The following ALKBH6 variants were observed in gnomAD, a reference collection of about 807,000 sequenced individuals.
ALKBH6 encodes the protein alkB homolog 6, nucleotide demethylase.
In ALKBH6, 20 loss-of-function variants were observed where a neutral mutation model predicts 25.1. The ratio of observed to expected loss-of-function variants is 0.80; its 90% CI spans 0.56 to 1.16. The LOEUF (loss-of-function observed/expected upper bound fraction) is 1.16, where lower values mean the gene tolerates loss of function less well. ALKBH6 is among the 50% of genes most tolerant of loss of function. ALKBH6 has a pLI of 0.00. For missense variants in ALKBH6, 263 were observed against 326.5 expected (o/e 0.81, Z 1.50); for synonymous variants, 156 against 147.5 (o/e 1.06, Z -0.42).
chr19:36,013,160 C>G lies in ALKBH6; in HGVS notation c.55-71G>C. ...AGAGGACATATCATCACAGAGCAAC[C>G]CCTATGCCTGGAGACAGGCTCAGGA... On this transcript the variant is annotated intron_variant, in intron 2 of 6. Transcript: ENST00000378875. The surrounding 1 kb of genome is among the most constrained non-coding windows in gnomAD (Gnocchi z 4.6). 6.6e-7 allele frequency: 1 copy of G among 1,510,940 alleles called. No homozygotes were observed. Among genetic ancestry groups the G allele is most frequent in the African/African-American group, 1.4e-5 (1 of 72,744 alleles). 93.6% of individuals were successfully genotyped at this position (1,510,940 alleles called of 1,614,324 possible).
At position 36,010,863 on chromosome 19, in the gene ALKBH6, G is replaced by A. The variant is rs371359811; in HGVS notation, c.336+31C>T. Reference sequence around the variant, plus strand: ...CCCAGCACAGCTCAGAAGTCTGAGTGGGGGGACACGGGCCGAGGGTGTGTG... The same window carrying A: ...CCCAGCACAGCTCAGAAGTCTGAGTAGGGGGACACGGGCCGAGGGTGTGTG... On this transcript the variant is annotated intron_variant, in intron 5 of 6. Coordinates refer to ENST00000378875, the MANE Select transcript of ALKBH6 (RefSeq NM_032878.5). This position sits in a 1 kb window ranked among gnomAD's most constrained non-coding sequence, Gnocchi z 5.5. 20 of 1,612,200 alleles carry A rather than the reference G, an allele frequency of 1.2e-5. No individual in the cohort carries two copies. Among genetic ancestry groups the A allele is most frequent in the African/African-American group, 4.0e-5 (3 of 74,822 alleles).
chr19:36,013,526 C>A lies in ALKBH6; in HGVS notation c.-25-104G>T. 1 of 1,525,296 alleles carries A rather than the reference C, an allele frequency of 6.6e-7. No homozygotes were observed. Among genetic ancestry groups the A allele is most frequent in the South Asian group, 1.3e-5 (1 of 79,206 alleles). 94.5% of individuals were successfully genotyped at this position (1,525,296 alleles called of 1,614,324 possible). ...GGCCAGGCCTCACCTCAGCCCTCTT[C>A]TGAAACGCACTTGGTCTCTAAAATC... is the stretch of plus-strand genomic sequence containing the variant. On this transcript the variant is annotated intron_variant, in intron 1 of 6. Transcript: ENST00000378875. The surrounding 1 kb of genome is among the most constrained non-coding windows in gnomAD (Gnocchi z 4.6).
At chr19:36,009,677 C>T (rs1465004193) in intron 6 of ALKBH6, 124 bp from the exon 7 acceptor site, 2 of 667,816 alleles carry the variant, frequency 3.0e-6, no homozygotes, top group Non-Finnish European at 4.2e-6. Flanking sequence ...AGTGTGCTCA[C>T]AATGATGGAG....
At position 36,010,991 on chromosome 19, in the gene ALKBH6, T is replaced by G. The variant is rs1555786344; in HGVS notation, c.239A>C (p.Gln80Pro). The change falls in exon 5 of 7, where the codon CAG (glutamine) becomes CCG (proline). Residue 80 changes from glutamine to proline, a missense_variant. By Grantham distance (76) the Gln-to-Pro change is moderately conservative. Coordinates refer to ENST00000378875, the MANE Select transcript of ALKBH6 (RefSeq NM_032878.5). The surrounding 1 kb of genome is among the most constrained non-coding windows in gnomAD (Gnocchi z 5.5). ...GTTTGACACTTTGTCCACGTAGCGCTGGAGCCATGGGGGCAGCCGCTCAGG... is the reference window on the plus strand; with the variant it reads ...GTTTGACACTTTGTCCACGTAGCGCGGGAGCCATGGGGGCAGCCGCTCAGG... ...MVPERLPPWLQRYVDKVSNLS... is the reference protein window; with the variant it reads ...MVPERLPPWLPRYVDKVSNLS... 1.2e-6 allele frequency: 2 copies of G among 1,613,646 alleles called. No homozygotes were observed. The highest frequency in any genetic ancestry group is 2.2e-5 in the South Asian group (2 of 91,030).
chr19:36,010,989 G>A lies in ALKBH6; in HGVS notation c.241C>T (p.Arg81Cys), dbSNP rs769326187. The change falls in exon 5 of 7, where the codon CGC becomes TGC. Residue 81 changes from arginine (R) to cysteine (C), a missense_variant. By Grantham distance (180) the Arg-to-Cys change is radical. This residue lies in a region of ALKBH6 where 112 missense variants were observed against 153.0 expected (regional missense o/e 0.73). Coordinates refer to ENST00000378875, the MANE Select transcript of ALKBH6 (RefSeq NM_032878.5). The surrounding 1 kb of genome is among the most constrained non-coding windows in gnomAD (Gnocchi z 5.5). ...VPERLPPWLQ[R>C]YVDKVSNLSL... The stretch of plus-strand genomic sequence containing the variant: ...AGGTTTGACACTTTGTCCACGTAGC[G>A]CTGGAGCCATGGGGGCAGCCGCTCA... 1.3e-5 allele frequency: 21 copies of A among 1,613,594 alleles called. No homozygotes were observed. Among genetic ancestry groups the A allele is most frequent in the Middle Eastern group, 1.6e-4 (1 of 6,062 alleles).
Position 36,010,297 on chromosome 19 carries a change from G to A in ALKBH6, c.453+270C>T, listed in dbSNP as rs569889936. On this transcript the variant is annotated intron_variant, in intron 6 of 6. Transcript: ENST00000378875. The surrounding 1 kb of genome is among the most constrained non-coding windows in gnomAD (Gnocchi z 5.5). ...GAGTTAATGGCGGTGGGGTATCTAA[G>A]GATATCAGTGTCTGCTGGGGAGTCA... 62 of 454,170 alleles carry A rather than the reference G, an allele frequency of 1.4e-4. No homozygotes were observed. In the East Asian group the frequency reaches 2.4e-3, roughly 18 times the overall value. The allele number at this position is 454,170 out of a possible 1,614,324, so 28.1% of individuals were successfully genotyped here. A position where few individuals can be genotyped will look rare whatever the true frequency, so the allele number is the denominator to read the frequency against.
rs1968662918 is a variant in ALKBH6 at position 36,013,148 on chromosome 19, T to A, written c.55-59A>T. ...TTCAACCCACACAGAGGACATATCATCACAGAGCAACCCCTATGCCTGGAG... is the reference window on the plus strand; with the variant it reads ...TTCAACCCACACAGAGGACATATCAACACAGAGCAACCCCTATGCCTGGAG... On this transcript the variant is annotated intron_variant, in intron 2 of 6. Coordinates refer to ENST00000378875, the MANE Select transcript of ALKBH6 (RefSeq NM_032878.5). The surrounding 1 kb of genome is among the most constrained non-coding windows in gnomAD (Gnocchi z 4.6). 1 of 1,544,830 alleles carries A rather than the reference T, an allele frequency of 6.5e-7. No homozygotes were observed. Among genetic ancestry groups the A allele is most frequent in the Non-Finnish European group, 8.9e-7 (1 of 1,117,836 alleles).
Position 36,009,500 on chromosome 19 carries a change from C to G in ALKBH6, c.507G>C (p.Leu169=). Residue 169 remains leucine (L), a synonymous_variant, in exon 7 of 7, where the codon CTG becomes CTC. Transcript: ENST00000378875. ...TTSLLLEPRS[L]LVLRGPAYTR... is the part of the protein sequence containing the mutation. ...TGTAGGCGGGGCCGCGGAGCACCAG[C>G]AGGCTGCGCGGTTCCAGCAGTAGCG... is the stretch of plus-strand genomic sequence containing the variant. 2 of 1,251,912 alleles carry G rather than the reference C, an allele frequency of 1.6e-6. No homozygotes were observed. The highest frequency in any genetic ancestry group is 2.0e-6 in the Non-Finnish European group (2 of 1,000,038). 77.6% of individuals were successfully genotyped at this position (1,251,912 alleles called of 1,614,324 possible). A position where few individuals can be genotyped will look rare whatever the true frequency, so the allele number is the denominator to read the frequency against.
In ALKBH6 at chr19:36,011,702, G is replaced by A. The variant is rs999354205; in HGVS notation, c.124-238C>T. The stretch of plus-strand genomic sequence containing the variant: ...ATTTAGGAATCAGGGCTGCACAACC[G>A]TGGTCTGAGAGTTGTGGGTCTCACA... On this transcript the variant is annotated intron_variant, in intron 3 of 6. Coordinates refer to ENST00000378875, the MANE Select transcript of ALKBH6 (RefSeq NM_032878.5). The A allele has an allele frequency of 5.3e-5, 25 of 471,692 alleles. No individual in the cohort carries two copies. The Admixed American group carries it at 5.6e-4, about 11-fold the overall frequency. The allele number at this position is 471,692 out of a possible 1,614,324, so 29.2% of individuals were successfully genotyped here.
Position 36,010,970 on chromosome 19 carries a change from G to T in ALKBH6, c.260C>A (p.Ser87Ter). The change falls in exon 5 of 7, where the codon TCA (serine) becomes TAA (stop). Residue 87 changes from serine to a stop codon, truncating the protein, a stop_gained. Transcript: ENST00000378875. LOFTEE classifies it high-confidence loss of function. The surrounding 1 kb of genome is among the most constrained non-coding windows in gnomAD (Gnocchi z 5.5). ...PWLQRYVDKVSNLSLFGGLPA... is the reference protein window; with the variant it reads ...PWLQRYVDKV ...GAGGCCTCCAAAGAGGCTGAGGTTT[G>T]ACACTTTGTCCACGTAGCGCTGGAG... 1 of 1,614,048 alleles carries T rather than the reference G, an allele frequency of 6.2e-7. No homozygotes were observed. Among genetic ancestry groups the T allele is most frequent in the South Asian group, 1.1e-5 (1 of 91,068 alleles).
At position 36,013,275 on chromosome 19, in the gene ALKBH6, G is replaced by GC; in HGVS notation, c.54+68dup. The GC allele has an allele frequency of 6.3e-7, 1 of 1,585,634 alleles. No homozygotes were observed. The highest frequency in any genetic ancestry group is 8.7e-7 in the Non-Finnish European group (1 of 1,155,454). The stretch of plus-strand genomic sequence containing the variant: ...GTAAGAATGAATTTGGTGGAAGGGG[G>GC]CAGTCCCAACCCAAGAACTCAGGAA... On this transcript the variant is annotated intron_variant, in intron 2 of 6. Transcript: ENST00000378875. This position sits in a 1 kb window ranked among gnomAD's most constrained non-coding sequence, Gnocchi z 4.6.
chr19:36,010,858 T>A lies in ALKBH6; in HGVS notation c.336+36A>T. 1 of 1,611,904 alleles carries A rather than the reference T, an allele frequency of 6.2e-7. No homozygotes were observed. The highest frequency in any genetic ancestry group is 2.2e-5 in the East Asian group (1 of 44,730). On this transcript the variant is annotated intron_variant, in intron 5 of 6. Coordinates refer to ENST00000378875, the MANE Select transcript of ALKBH6 (RefSeq NM_032878.5). The surrounding 1 kb of genome is among the most constrained non-coding windows in gnomAD (Gnocchi z 5.5). ...CCTGCCCCAGCACAGCTCAGAAGTCTGAGTGGGGGGACACGGGCCGAGGGT... is the reference window on the plus strand; with the variant it reads ...CCTGCCCCAGCACAGCTCAGAAGTCAGAGTGGGGGGACACGGGCCGAGGGT...
rs1050960119 is a variant in ALKBH6 at position 36,011,015 on chromosome 19, G to C, written c.215C>G (p.Pro72Arg). The change falls in exon 5 of 7, where the codon CCT becomes CGT. Residue 72 changes from proline to arginine, a missense_variant. Physicochemically the swap from Pro to Arg is moderately radical, Grantham distance 103. This residue lies in a region of ALKBH6 where 112 missense variants were observed against 153.0 expected (regional missense o/e 0.73). Transcript: ENST00000378875. ...CTGGAGCCATGGGGGCAGCCGCTCA[G>C]GAACCATCCCTCGGGGATGAGGAAG... ...GGLPHPRGMV[P>R]ERLPPWLQRY... 50 of 1,612,598 alleles carry C rather than the reference G, an allele frequency of 3.1e-5. No individual in the cohort carries two copies. The highest frequency in any genetic ancestry group is 4.0e-5 in the Non-Finnish European group (47 of 1,179,356).
In ALKBH6 at chr19:36,010,236, G is replaced by A; in HGVS notation, c.453+331C>T. On this transcript the variant is annotated intron_variant, in intron 6 of 6. Coordinates refer to ENST00000378875, the MANE Select transcript of ALKBH6 (RefSeq NM_032878.5). This position sits in a 1 kb window ranked among gnomAD's most constrained non-coding sequence, Gnocchi z 5.5. ...GGACGTCTGGGGCACCCTGAGCAGG[G>A]GCAGATAGAGCATCTGGGAGGAGGT... is the stretch of plus-strand genomic sequence containing the variant. 3.3e-6 allele frequency: 1 copy of A among 305,190 alleles called. No homozygotes were observed. The highest frequency in any genetic ancestry group is 6.2e-6 in the Non-Finnish European group (1 of 161,552). 18.9% of individuals were successfully genotyped at this position (305,190 alleles called of 1,614,324 possible). A position where few individuals can be genotyped will look rare whatever the true frequency, so the allele number is the denominator to read the frequency against.
At position 36,010,886 on chromosome 19, in the gene ALKBH6, G is replaced by T. The variant is rs140126876; in HGVS notation, c.336+8C>A. 9,171 of 1,613,768 alleles carry T rather than the reference G, an allele frequency of 5.7e-3. 176 individuals are homozygous for T. The African/African-American group carries it at 0.063, about 11-fold the overall frequency. Reference sequence around the variant, plus strand: ...GTGGGGGGACACGGGCCGAGGGTGTGTGGTTACCATGATGCCCTCCCCAGG... The same window carrying T: ...GTGGGGGGACACGGGCCGAGGGTGTTTGGTTACCATGATGCCCTCCCCAGG... On this transcript the variant is annotated splice_region_variant and intron_variant, in intron 5 of 6. Coordinates refer to ENST00000378875, the MANE Select transcript of ALKBH6 (RefSeq NM_032878.5). The surrounding 1 kb of genome is among the most constrained non-coding windows in gnomAD (Gnocchi z 5.5).
rs757136993 is a variant in ALKBH6 at position 36,010,575 on chromosome 19, T to C, written c.445A>G (p.Thr149Ala). 5.6e-6 allele frequency: 9 copies of C among 1,613,732 alleles called. 1 individual carries two copies. The South Asian group carries it at 9.9e-5, about 18-fold the overall frequency. Reference protein sequence around the residue: ...EPRRPEDDDPTEQPRPPPRPT... With the variant: ...EPRRPEDDDPAEQPRPPPRPT... The stretch of plus-strand genomic sequence containing the variant: ...AGTGTCTGGGGGCCCACCTGTTCTG[T>C]AGGGTCATCGTCCTCTGGCCGCCGC... The change falls in exon 6 of 7, where the codon ACA (threonine) becomes GCA (alanine). Residue 149 changes from threonine to alanine, a missense_variant. Around this residue, in one of 3 missense-constraint regions of ALKBH6, gnomAD observed 148 missense variants for 157.5 expected, o/e 0.94. Coordinates refer to ENST00000378875, the MANE Select transcript of ALKBH6 (RefSeq NM_032878.5). This position sits in a 1 kb window ranked among gnomAD's most constrained non-coding sequence, Gnocchi z 5.5.
chr19:36,011,525 T>G, intron 3 of ALKBH6, 61 bp from the exon 4 acceptor site: 1 of 1,561,534 alleles, frequency 6.4e-7, no homozygotes, highest in Non-Finnish European at 8.8e-7. Flanking sequence ...TCCTCCCACC[T>G]AGACCAACAT....
At chr19:36,011,143 C>T (rs1273863765) in intron 4 of ALKBH6, 98 bp from the exon 5 acceptor site, 2 of 1,470,906 alleles carry the variant, frequency 1.4e-6, no homozygotes, top group Non-Finnish European at 1.8e-6. Context: ...CTCTCAGGGA[C>T]CCCTGACCGT....
Position 36,009,326 on chromosome 19 carries a change from G to T in ALKBH6, c.681C>A (p.Pro227=). Residue 227 remains proline, a synonymous_variant, in exon 7 of 7, where the codon CCC becomes CCA. Coordinates refer to ENST00000378875, the MANE Select transcript of ALKBH6 (RefSeq NM_032878.5). ...GCAGGAGGCCGGCGCGCAGCACGCGGGGCACGCGGCGGATGGTCAGCGAGA... is the reference window on the plus strand; with the variant it reads ...GCAGGAGGCCGGCGCGCAGCACGCGTGGCACGCGGCGGATGGTCAGCGAGA... ...TRVSLTIRRV[P]RVLRAGLLLG... is the part of the protein sequence containing the mutation. 1 of 1,357,774 alleles carries T rather than the reference G, an allele frequency of 7.4e-7. No individual in the cohort carries two copies. The highest frequency in any genetic ancestry group is 9.5e-7 in the Non-Finnish European group (1 of 1,052,766). The allele number at this position is 1,357,774 out of a possible 1,614,324, so 84.1% of individuals were successfully genotyped here. A position where few individuals can be genotyped will look rare whatever the true frequency, so the allele number is the denominator to read the frequency against.
Sources: allele counts gnomAD v4.1 joint callset, GRCh38; gene constraint gnomAD v4.1.1; regional missense constraint gnomAD v4.1.1; non-coding constraint Gnocchi (gnomAD v3.1); transcripts MANE v1.5; gene names NCBI Gene and HGNC (gene_info 2026-07-23, HGNC 2026-07-21).